Variants in APBB3 observed in about 807,000 individuals in gnomAD.
APBB3 encodes amyloid-beta A4 precursor protein-binding family B member 3.
A neutral mutation model predicts 61.5 loss-of-function variants in APBB3; 50 were observed. That is an observed-to-expected ratio of 0.81 (90% CI 0.65 to 1.03). The LOEUF is 1.03. Ranked by LOEUF, APBB3 falls within the 50% of genes least tolerant of loss-of-function variation. APBB3 has a pLI of 0.00. For missense variants in APBB3, 550 were observed against 637.4 expected, an observed-to-expected ratio of 0.86 and a Z score of 1.48; for synonymous variants, 235 against 233.0, an observed-to-expected ratio of 1.01 and a Z score of -0.08.
Position 140,564,588 on chromosome 5 carries a change from G to T in APBB3, c.-343C>A, listed in dbSNP as rs1755131083. ...TCATCAGGCGCCTGAAGACCGACAC[G>T]CCGAACATGCGCCGCGCGCACTCGC... On this transcript the variant is annotated 5_prime_UTR_variant, in exon 1 of 13. Transcript: ENST00000357560. The surrounding 1 kb of genome is among the most constrained non-coding windows in gnomAD (Gnocchi z 5.0). The T allele has an allele frequency of 6.3e-6, 3 of 474,208 alleles. No individual in the cohort carries two copies. Among genetic ancestry groups the T allele is most frequent in the African/African-American group, 4.1e-5 (2 of 49,068 alleles). 29.4% of individuals were successfully genotyped at this position (474,208 alleles called of 1,614,324 possible). A position where few individuals can be genotyped will look rare whatever the true frequency, so the allele number is the denominator to read the frequency against.
intron 12 of APBB3, among the ~76,000 whole-genome samples, chr5:140,559,403 C>T (rs1295674902): frequency 6.6e-6 from 1 of 152,166 alleles, no homozygotes; most frequent in Non-Finnish European, 1.5e-5. Context: ...AAATCTTTTA[C>T]CCATACTATA....
Position 140,558,716 on chromosome 5 carries a change from G to A in APBB3, c.1330C>T (p.Pro444Ser). 6.2e-7 allele frequency: 1 copy of A among 1,609,862 alleles called. No individual in the cohort carries two copies. The highest frequency in any genetic ancestry group is 8.5e-7 in the Non-Finnish European group (1 of 1,178,874). Reference protein sequence around the residue: ...RLKRTSSMDSPGGPLPLPLLK... With the variant: ...RLKRTSSMDSSGGPLPLPLLK... ...AGGGGGAGGGGCAGGGGACCTCCTG[G>A]GGAATCCATGGAGCTGGTCCGCTTG... The change falls in exon 13 of 13, where the codon CCA (proline) becomes TCA (serine). Residue 444 changes from proline to serine, a missense_variant. Physicochemically the swap from Pro to Ser is moderately conservative, Grantham distance 74. Coordinates refer to ENST00000357560, the MANE Select transcript of APBB3 (RefSeq NM_133173.3).
Position 140,564,371 on chromosome 5 carries a change from C to T in APBB3, c.-126G>A. On this transcript the variant is annotated 5_prime_UTR_variant, in exon 1 of 13. In the 5' UTR this introduces an upstream ATG that the reference lacks. Transcript: ENST00000357560. The surrounding 1 kb of genome is among the most constrained non-coding windows in gnomAD (Gnocchi z 5.0). Reference sequence around the variant, plus strand: ...GGCTGCGGGGCCAGCTGGCGCCGCACAAATACGGGGCGGGACACGGGGCGG... The same window carrying T: ...GGCTGCGGGGCCAGCTGGCGCCGCATAAATACGGGGCGGGACACGGGGCGG... The T allele has an allele frequency of 1.8e-5, 21 of 1,180,116 alleles. No homozygotes were observed. The highest frequency in any genetic ancestry group is 2.5e-5 in the Non-Finnish European group (21 of 831,820). The allele number at this position is 1,180,116 out of a possible 1,614,324, so 73.1% of individuals were successfully genotyped here. A position where few individuals can be genotyped will look rare whatever the true frequency, so the allele number is the denominator to read the frequency against.
chr5:140,563,507 T>C (rs903569462), intron 3 of APBB3, 87 bp downstream of exon 3: 40 of 1,505,976 alleles, frequency 2.7e-5, no homozygotes, highest in African/African-American at 1.4e-5. Context: ...ATCCAGAACC[T>C]GGGCTGGAAA....
rs777136207 is a variant in APBB3 at position 140,561,320 on chromosome 5, A to T, written c.832+45T>A. The T allele has an allele frequency of 3.1e-6, 5 of 1,605,476 alleles. No homozygotes were observed. The South Asian group carries it at 5.5e-5, about 18-fold the overall frequency. ...AGAAATCGCCCCCCCACAAAGCAGC[A>T]CCAAAGCACCCCAATGCAGCAATGC... is the stretch of plus-strand genomic sequence containing the variant. On this transcript the variant is annotated intron_variant, in intron 9 of 12. Transcript: ENST00000357560.
In APBB3 at chr5:140,560,213, G is replaced by A; in HGVS notation, c.1224+100C>T. The A allele has an allele frequency of 7.4e-7, 1 of 1,352,810 alleles. No homozygotes were observed. The highest frequency in any genetic ancestry group is 1.4e-5 in the South Asian group (1 of 72,722). 83.8% of individuals were successfully genotyped at this position (1,352,810 alleles called of 1,614,324 possible). A position where few individuals can be genotyped will look rare whatever the true frequency, so the allele number is the denominator to read the frequency against. On this transcript the variant is annotated intron_variant, in intron 12 of 12. Transcript: ENST00000357560. This position sits in a 1 kb window ranked among gnomAD's most constrained non-coding sequence, Gnocchi z 5.1. ...ACATTAATGAACCAGAATCAGCCCA[G>A]GTTTGTGATCTCTGAAGAGGCTGCC...
At position 140,564,070 on chromosome 5, in the gene APBB3, G is replaced by A. The variant is rs1755095921; in HGVS notation, c.49+127C>T. On this transcript the variant is annotated intron_variant, in intron 1 of 12. Transcript: ENST00000357560. The surrounding 1 kb of genome is among the most constrained non-coding windows in gnomAD (Gnocchi z 5.0). ...TGAAGACATCACATGTAAAGACCGG[G>A]TTCATTCGCCCCCTGGTCCCTACAC... The A allele has an allele frequency of 6.8e-7, 1 of 1,479,706 alleles. No individual in the cohort carries two copies. The allele number at this position is 1,479,706 out of a possible 1,614,324, so 91.7% of individuals were successfully genotyped here.
In APBB3 at chr5:140,563,761, G is replaced by A; in HGVS notation, c.204C>T (p.Asp68=). Residue 68 remains aspartate (D), a synonymous_variant, in exon 2 of 13, where the codon GAC becomes GAT. Coordinates refer to ENST00000357560, the MANE Select transcript of APBB3 (RefSeq NM_133173.3). ...CTCACACTCTACCTACCGTGCCTGGGTCCTCTGCATCTCCTAGTTCCCAGG... is the reference window on the plus strand; with the variant it reads ...CTCACACTCTACCTACCGTGCCTGGATCCTCTGCATCTCCTAGTTCCCAGG... ...RPTWELGDAE[D]PGTGTEGIWG... 1 of 1,614,124 alleles carries A rather than the reference G, an allele frequency of 6.2e-7. No individual in the cohort carries two copies. The highest frequency in any genetic ancestry group is 8.5e-7 in the Non-Finnish European group (1 of 1,180,016).
chr5:140,562,599 C>T, intron 4 of APBB3, 64 bp downstream of exon 4: 1 of 1,610,616 alleles, frequency 6.2e-7, no homozygotes, highest in Non-Finnish European at 8.5e-7. Flanking sequence ...CACCTCTGTT[C>T]AGTCCAATCC....
Position 140,564,367 on chromosome 5 carries a change from C to T in APBB3, c.-122G>A. ...CGCAGGCTGCGGGGCCAGCTGGCGC[C>T]GCACAAATACGGGGCGGGACACGGG... On this transcript the variant is annotated 5_prime_UTR_variant, in exon 1 of 13. Transcript: ENST00000357560. The surrounding 1 kb of genome is among the most constrained non-coding windows in gnomAD (Gnocchi z 5.0). 1.6e-6 allele frequency: 2 copies of T among 1,230,870 alleles called. No individual in the cohort carries two copies. The highest frequency in any genetic ancestry group is 2.3e-6 in the Non-Finnish European group (2 of 875,630). 76.2% of individuals were successfully genotyped at this position (1,230,870 alleles called of 1,614,324 possible).
chr5:140,563,976 C>T, intron 1 of APBB3, 61 bp from the exon 2 acceptor site: 2 of 1,580,458 alleles, frequency 1.3e-6, no homozygotes, highest in Non-Finnish European at 8.6e-7. Context: ...GAATAACATG[C>T]TGTCATAATC....
rs901738688 is a variant in APBB3 at position 140,563,619 on chromosome 5, T to A, written c.265A>T (p.Ser89Cys). 2 of 1,614,110 alleles carry A rather than the reference T, an allele frequency of 1.2e-6. No homozygotes were observed. The highest frequency in any genetic ancestry group is 2.7e-5 in the African/African-American group (2 of 74,948). Residue 89 changes from serine (S) to cysteine (C), a missense_variant, in exon 3 of 13, where the codon AGC becomes TGC. Transcript: ENST00000357560. ...LRPPKGRSFS[S>C]LESSLDRSNS... is the part of the protein sequence containing the mutation. ...CTCCGGTCCAGTGAACTCTCCAGGC[T>A]GGAGAAGGATCTCCCTTTGGGGGGC...
intron 12 of APBB3, 58 bp from the exon 13 acceptor site, chr5:140,558,879 G>GTCCTCTAGA (rs1370845513): frequency 1.1e-5 from 16 of 1,487,208 alleles, no homozygotes; most frequent in Non-Finnish European, 1.5e-5. Flanking sequence ...CTCCCTGAAA[G>GTCCTCTAGA]CTTCTGCAGG....
chr5:140,562,558 A>T lies in APBB3; in HGVS notation c.352-59T>A. The T allele has an allele frequency of 1.9e-6, 3 of 1,609,386 alleles. No individual in the cohort carries two copies. In the African/African-American group the frequency reaches 4.0e-5, roughly 21 times the overall value. ...AGGATGGAGTAGGGTGGCAGGTGCC[A>T]CAATACATACTCCCTGTCTTCACCC... is the stretch of plus-strand genomic sequence containing the variant. On this transcript the variant is annotated intron_variant, in intron 4 of 12. Transcript: ENST00000357560.
At position 140,564,352 on chromosome 5, in the gene APBB3, G is replaced by C; in HGVS notation, c.-107C>G. On this transcript the variant is annotated 5_prime_UTR_variant, in exon 1 of 13. Transcript: ENST00000357560. This position sits in a 1 kb window ranked among gnomAD's most constrained non-coding sequence, Gnocchi z 5.0. The stretch of plus-strand genomic sequence containing the variant: ...CCAGCCTCTCTGCGCCGCAGGCTGC[G>C]GGGCCAGCTGGCGCCGCACAAATAC... 5.7e-6 allele frequency: 8 copies of C among 1,391,926 alleles called. No individual in the cohort carries two copies. The highest frequency in any genetic ancestry group is 5.7e-5 in the Admixed American group (3 of 52,256). The allele number at this position is 1,391,926 out of a possible 1,614,324, so 86.2% of individuals were successfully genotyped here. A position where few individuals can be genotyped will look rare whatever the true frequency, so the allele number is the denominator to read the frequency against.
chr5:140,561,438 C>T lies in APBB3; in HGVS notation c.759G>A (p.Glu253=), dbSNP rs199878875. Residue 253 remains glutamate, a synonymous_variant, in exon 9 of 13, where the codon GAG becomes GAA. Transcript: ENST00000357560. Reference sequence around the variant, plus strand: ...AGGCATCACCACTGACCTCTACTCGCTCTGACAAGATCTAAAACACAATGA... The same window carrying T: ...AGGCATCACCACTGACCTCTACTCGTTCTGACAAGATCTAAAACACAATGA... The part of the protein sequence containing the change: ...LHGLCAQILS[E]RVEVSGDASC... 7 of 1,614,076 alleles carry T rather than the reference C, an allele frequency of 4.3e-6. 1 individual carries two copies. Among genetic ancestry groups the T allele is most frequent in the Non-Finnish European group, 5.9e-6 (7 of 1,180,052 alleles).
At chr5:140,559,749 C>T (rs1754864693) in intron 12 of APBB3, among the ~76,000 whole-genome samples, 1 of 152,234 alleles carries the variant, frequency 6.6e-6, no homozygotes, top group African/African-American at 2.4e-5. Context: ...CCTAAAGGGG[C>T]CACCTCTTCC....
In APBB3 at chr5:140,563,576, G is replaced by C. The variant is rs763150000; in HGVS notation, c.290+18C>G. ...CATGGAACCCCAAGCCTTTCATTTT[G>C]CCTGGGCCACCCGTTACCTCCGGTC... On this transcript the variant is annotated intron_variant, in intron 3 of 12. Coordinates refer to ENST00000357560, the MANE Select transcript of APBB3 (RefSeq NM_133173.3). 2 of 1,614,036 alleles carry C rather than the reference G, an allele frequency of 1.2e-6. No homozygotes were observed. Among genetic ancestry groups the C allele is most frequent in the Middle Eastern group, 1.7e-4 (1 of 5,986 alleles).
chr5:140,562,967 G>C lies in APBB3; in HGVS notation c.291-244C>G, dbSNP rs962072580. On this transcript the variant is annotated intron_variant, in intron 3 of 12. Transcript: ENST00000357560. ...ACATAGAATAAAAGTCACAAGGCTA[G>C]GTGCAGTGGTGGCTCACGCCTGTAA... 2.1e-4 allele frequency: 110 copies of C among 516,892 alleles called. 1 individual carries two copies. Among genetic ancestry groups the C allele is most frequent in the African/African-American group, 2.0e-3 (106 of 52,110 alleles). 32.0% of individuals were successfully genotyped at this position (516,892 alleles called of 1,614,324 possible).
Sources: allele counts gnomAD v4.1 joint callset (sites outside exome capture counted in the v4.1 genomes callset), GRCh38; gene constraint gnomAD v4.1.1; non-coding constraint Gnocchi (gnomAD v3.1); transcripts MANE v1.5; gene names NCBI Gene and HGNC (gene_info 2026-07-23, HGNC 2026-07-21).